FNIP1: variants seen among roughly 807,000 people sequenced by gnomAD.
FNIP1 encodes folliculin interacting protein 1.
Under a neutral mutation model 124.5 loss-of-function variants are expected in FNIP1, and 40 were observed. That is an observed-to-expected ratio of 0.32 (90% confidence interval 0.25 to 0.42). FNIP1 has a LOEUF of 0.42. Among genes scored for constraint, FNIP1 ranks in the 10% least tolerant of loss-of-function variants. FNIP1 has a pLI of 1.00. For synonymous variants in FNIP1, 472 were observed against 470.6 expected (o/e 1.00, Z -0.04); for missense variants, 1,176 against 1,403.7 (o/e 0.84, Z 2.59).
intron 1 of FNIP1, among the ~76,000 whole-genome samples, chr5:131,759,984 G>A (rs185120612): frequency 9.4e-4 from 143 of 152,326 alleles, no homozygotes; most frequent in Non-Finnish European, 1.7e-3. Flanking sequence ...AATTAACACA[G>A]CAACAGAAAA....
Position 131,710,611 on chromosome 5 carries a change from G to A in FNIP1, c.673C>T (p.Leu225Phe), listed in dbSNP as rs1769254334. ...AAAGAGGCGCTCCTGATCAGGCGGA[G>A]CGGACCCTGCTCAGAGAATGCCCGC... ...PRRAFSEQGP[L>F]RLIRSASFFA... is the part of the protein sequence containing the mutation. Residue 225 changes from leucine to phenylalanine, a missense_variant, in exon 7 of 18, where the codon CTC (leucine) becomes TTC (phenylalanine). Leu to Phe is a conservative substitution (Grantham distance 22, BLOSUM62 0). Coordinates refer to ENST00000510461, the MANE Select transcript of FNIP1 (RefSeq NM_133372.3). 1 of 1,614,088 alleles carries A rather than the reference G, an allele frequency of 6.2e-7. No homozygotes were observed. Among genetic ancestry groups the A allele is most frequent in the Non-Finnish European group, 8.5e-7 (1 of 1,179,996 alleles).
chr5:131,694,392 G>T (rs539447025), intron 11 of FNIP1, among the ~76,000 whole-genome samples: 42 of 152,274 alleles, frequency 2.8e-4, no homozygotes, highest in African/African-American at 9.6e-4. Context: ...ACTCGATGAT[G>T]AAAAGAAATG....
At chr5:131,724,447 T>C (rs1380246926) in intron 3 of FNIP1, among the ~76,000 whole-genome samples, 2 of 152,242 alleles carry the variant, frequency 1.3e-5, no homozygotes, top group Admixed American at 6.5e-5. Flanking sequence ...TGATTTGCAT[T>C]TCTCTGGTGA....
At position 131,730,929 on chromosome 5, in the gene FNIP1, A is replaced by T. The variant is rs1211019119; in HGVS notation, c.329T>A (p.Ile110Lys). Reference protein sequence around the residue: ...LDSSVTSSSDIKDQCLKYQGS... With the variant: ...LDSSVTSSSDKKDQCLKYQGS... Reference sequence around the variant, plus strand: ...CTGGTACTTAAGACACTGGTCTTTTATATCAGAAGATGAAGTCACAGAACT... The same window carrying T: ...CTGGTACTTAAGACACTGGTCTTTTTTATCAGAAGATGAAGTCACAGAACT... Residue 110 changes from isoleucine to lysine, a missense_variant, in exon 3 of 18, where the codon ATA becomes AAA. Physicochemically the swap from Ile to Lys is moderately radical, Grantham distance 102. This residue lies in a region of FNIP1 where 1,109 missense variants were observed against 1,288.5 expected (regional missense o/e 0.86). Transcript: ENST00000510461. 6.2e-7 allele frequency: 1 copy of T among 1,607,256 alleles called. No homozygotes were observed.
At chr5:131,664,624 G>C (rs906344456) in intron 15 of FNIP1, among the ~76,000 whole-genome samples, 2 of 88,418 alleles carry the variant, frequency 2.3e-5, no homozygotes, top group African/African-American at 9.3e-5. Flanking sequence ...GACAGAGCAA[G>C]ACCCTGTCTC....
chr5:131,730,964 G>A lies in FNIP1; in HGVS notation c.294C>T (p.Ser98=), dbSNP rs552635495. ...ATGAAGTCACAGAACTATCTAAAGA[G>A]GAAGAACTGTCTCCTCCAGGTTTCA... ...CQLKPGGDSS[S]SLDSSVTSSS... is the part of the protein sequence containing the mutation. The change falls in exon 3 of 18, where the codon TCC becomes TCT. Residue 98 remains serine (S), a synonymous_variant. Coordinates refer to ENST00000510461, the MANE Select transcript of FNIP1 (RefSeq NM_133372.3). The A allele has an allele frequency of 3.0e-5, 48 of 1,613,154 alleles. No homozygotes were observed. In the African/African-American group the frequency reaches 4.9e-4, roughly 17 times the overall value.
At position 131,672,842 on chromosome 5, in the gene FNIP1, C is replaced by T. The variant is rs1767804562; in HGVS notation, c.1602G>A (p.Arg534=). 6.2e-7 allele frequency: 1 copy of T among 1,611,306 alleles called. No homozygotes were observed. Among genetic ancestry groups the T allele is most frequent in the South Asian group, 1.1e-5 (1 of 90,440 alleles). The change falls in exon 14 of 18, where the codon AGG becomes AGA. Residue 534 remains arginine, a synonymous_variant. Transcript: ENST00000510461. ...VVGKRQDMVQ[R]LLYFLTYFIR... Reference sequence around the variant, plus strand: ...TAAAATAAGTAAGAAAATAAAGTAGCCTCTGGACCATGTCTTGTCGTTTGC... The same window carrying T: ...TAAAATAAGTAAGAAAATAAAGTAGTCTCTGGACCATGTCTTGTCGTTTGC...
intron 9 of FNIP1, among the ~76,000 whole-genome samples, chr5:131,704,737 C>T (rs564075303): frequency 1.1e-4 from 16 of 152,056 alleles, no homozygotes; most frequent in Non-Finnish European, 1.5e-4. Flanking sequence ...ACTAATCTTT[C>T]AAGAATGAAT....
chr5:131,648,131 A>C (rs1766944039), intron 16 of FNIP1, among the ~76,000 whole-genome samples: 1 of 147,904 alleles, frequency 6.8e-6, no homozygotes, highest in South Asian at 2.1e-4. Context: ...GGAGTTCGAG[A>C]TCAGCCTGGG....
chr5:131,736,181 C>T (rs572968926), intron 2 of FNIP1, among the ~76,000 whole-genome samples: 14 of 152,118 alleles, frequency 9.2e-5, no homozygotes, highest in Non-Finnish European at 1.8e-4. Flanking sequence ...GATAAAAATA[C>T]GGGTATTTTT....
rs752619378 is a variant in FNIP1 at position 131,679,077 on chromosome 5, C to T, written c.1301G>A (p.Arg434His). The change falls in exon 12 of 18, where the codon CGT becomes CAT. Residue 434 changes from arginine to histidine, a missense_variant. Coordinates refer to ENST00000510461, the MANE Select transcript of FNIP1 (RefSeq NM_133372.3). ...GTPEKNHLCY[R>H]FMKEFTFLME... ...TAGAAAGGTGAACTCCTTCATGAAA[C>T]GATAGCAAAGGTGGTTCTTTTCTGG... 1.3e-5 allele frequency: 21 copies of T among 1,612,602 alleles called. No individual in the cohort carries two copies. The highest frequency in any genetic ancestry group is 5.5e-5 in the South Asian group (5 of 90,648).
chr5:131,718,134 G>A (rs934003137), intron 5 of FNIP1, among the ~76,000 whole-genome samples: 9 of 150,760 alleles, frequency 6.0e-5, no homozygotes, highest in Admixed American at 3.3e-4. Context: ...AGGTTGCAGT[G>A]AGCTGAGATC....
At chr5:131,744,100 C>CAA (rs1770597059) in intron 2 of FNIP1, among the ~76,000 whole-genome samples, 1 of 149,592 alleles carries the variant, frequency 6.7e-6, no homozygotes, top group South Asian at 2.1e-4. Context: ...AAAAGCTGAA[C>CAA]AAACACAAAA....
rs754175425 is a variant in FNIP1 at position 131,644,669 on chromosome 5, A to G, written c.*16T>C. The stretch of plus-strand genomic sequence containing the variant: ...CTACCTATTTTCCCACCAATTTCTA[A>G]CAATTTTTAGGTATATTAAAGGAGT... On this transcript the variant is annotated 3_prime_UTR_variant, in exon 18 of 18. Transcript: ENST00000510461. The G allele has an allele frequency of 6.8e-6, 11 of 1,610,226 alleles. No homozygotes were observed. The East Asian group carries it at 2.5e-4, about 36-fold the overall frequency.
At chr5:131,684,103 A>G (rs1044033917) in intron 11 of FNIP1, among the ~76,000 whole-genome samples, 2 of 152,244 alleles carry the variant, frequency 1.3e-5, no homozygotes, top group Admixed American at 6.5e-5. Context: ...TTTGGAAGCC[A>G]TTTTTAACAG....
At chr5:131,742,744 T>C (rs1770551787) in intron 2 of FNIP1, among the ~76,000 whole-genome samples, 3 of 152,338 alleles carry the variant, frequency 2.0e-5, no homozygotes, top group South Asian at 2.1e-4. Context: ...GAACCCAAAT[T>C]ATAATGTAGA....
chr5:131,775,512 A>G (rs1771771792), intron 1 of FNIP1, among the ~76,000 whole-genome samples: 1 of 147,824 alleles, frequency 6.8e-6, no homozygotes, highest in Non-Finnish European at 1.5e-5. Context: ...AAATATATAT[A>G]TACATATTAT....
chr5:131,785,166 CTATA>C (rs201429211), intron 1 of FNIP1, among the ~76,000 whole-genome samples: 1 of 83,930 alleles, frequency 1.2e-5, no homozygotes, highest in East Asian at 2.2e-4. Flanking sequence ...ATATATATGA[CTATA>C]TATATATCAT....
At chr5:131,733,370 A>G (rs1236339060) in intron 2 of FNIP1, among the ~76,000 whole-genome samples, 1 of 152,176 alleles carries the variant, frequency 6.6e-6, no homozygotes, top group Non-Finnish European at 1.5e-5. Context: ...ACTATGTTGA[A>G]TAGGAGTGGT....
Sources: allele counts gnomAD v4.1 joint callset (sites outside exome capture counted in the v4.1 genomes callset), GRCh38; gene constraint gnomAD v4.1.1; regional missense constraint gnomAD v4.1.1; transcripts MANE v1.5; gene names NCBI Gene and HGNC (gene_info 2026-07-23, HGNC 2026-07-21).